Variants in IL1RAPL1 observed in about 807,000 individuals in gnomAD.
IL1RAPL1 encodes interleukin 1 receptor accessory protein like 1, also known as interleukin-1 receptor accessory protein-like 1.
In IL1RAPL1, 3 loss-of-function variants were observed where a neutral mutation model predicts 48.4. That is an observed-to-expected ratio of 0.06 (90% CI 0.03 to 0.16). The LOEUF is 0.16. Ranked by LOEUF, IL1RAPL1 falls within the 10% of genes least tolerant of loss-of-function variation. IL1RAPL1 has a pLI of 1.00. For missense variants in IL1RAPL1, 349 were observed against 530.6 expected (o/e 0.66, Z 3.36); for synonymous variants, 185 against 187.7 (o/e 0.99, Z 0.12).
intron 2 of IL1RAPL1, among the ~76,000 whole-genome samples, chrX:29,014,468 G>A (rs180830010): frequency 1.3e-4 from 14 of 111,368 alleles, no homozygotes; most frequent in Non-Finnish European, 1.3e-4. Context: ...CATCCATGCT[G>A]CATCCTATTG....
rs1433644976 is a variant in IL1RAPL1, at chrX:29,493,046, C to G, written c.703+93738C>G. Among the ~76,000 whole-genome samples the G allele has an allele frequency of 2.7e-5, 3 of 111,948 alleles. No homozygotes were observed. The Admixed American group carries it at 2.9e-4, about 11-fold the overall frequency. On this transcript the variant is annotated intron_variant, in intron 5 of 10. Coordinates refer to ENST00000378993, the MANE Select transcript of IL1RAPL1 (RefSeq NM_014271.4). The stretch of plus-strand genomic sequence containing the variant: ...CAGTGAAAATTGATAATAGAGCTGC[C>G]TTTTCTTTTTGCACTGGCATTATTG...
intron 6 of IL1RAPL1, among the ~76,000 whole-genome samples, chrX:29,763,859 T>A (rs1419709791): frequency 2.7e-5 from 3 of 110,347 alleles, no homozygotes; most frequent in Non-Finnish European, 5.7e-5. Context: ...TTTACACAAA[T>A]GTTAGAATAA....
chrX:28,803,616 G>A (rs1049683759), intron 2 of IL1RAPL1, among the ~76,000 whole-genome samples: 2 of 111,860 alleles, frequency 1.8e-5, no homozygotes, highest in Non-Finnish European at 3.8e-5. Context: ...GAAAATATTA[G>A]CATGCTACCA....
At chrX:29,001,808 T>C (rs1316068891) in intron 2 of IL1RAPL1, among the ~76,000 whole-genome samples, 1 of 111,425 alleles carries the variant, frequency 9.0e-6, no homozygotes, top group African/African-American at 3.3e-5. Flanking sequence ...TTAGAAACGT[T>C]ATTCTTCATA....
chrX:29,150,070 G>A (rs1236609178), intron 2 of IL1RAPL1, among the ~76,000 whole-genome samples: 1 of 112,077 alleles, frequency 8.9e-6, no homozygotes, highest in Non-Finnish European at 1.9e-5. Context: ...ATTTAGAAAG[G>A]TTGAGAGAAT....
intron 2 of IL1RAPL1, among the ~76,000 whole-genome samples, chrX:28,823,612 A>G (rs1033998981): frequency 1.8e-5 from 2 of 111,832 alleles, no homozygotes; most frequent in African/African-American, 6.5e-5. Context: ...AAAATGGGGT[A>G]TATGGGTTAA....
At chrX:29,739,567 A>G (rs758314468) in intron 6 of IL1RAPL1, among the ~76,000 whole-genome samples, 58 of 111,856 alleles carry the variant, frequency 5.2e-4, no homozygotes, top group Non-Finnish European at 5.4e-4. Context: ...ATAAAAATAT[A>G]AAGTGTATTT....
intron 1 of IL1RAPL1, among the ~76,000 whole-genome samples, chrX:28,617,127 G>A (rs1325699680): frequency 8.9e-6 from 1 of 112,132 alleles, no homozygotes; most frequent in African/African-American, 3.2e-5. Flanking sequence ...TGGAGGAGGA[G>A]GCAGTGGAAA....
intron 6 of IL1RAPL1, among the ~76,000 whole-genome samples, chrX:29,803,736 T>G (rs1183585961): frequency 9.2e-6 from 1 of 108,831 alleles, no homozygotes; most frequent in African/African-American, 3.3e-5. Flanking sequence ...TACAAGTGTA[T>G]TCTGCATCAC....
chrX:29,928,929 A>G (rs747956052), intron 8 of IL1RAPL1, among the ~76,000 whole-genome samples: 1 of 111,593 alleles, frequency 9.0e-6, no homozygotes, highest in East Asian at 2.8e-4. Flanking sequence ...GTAAATTACC[A>G]TGGTAACTTG....
chrX:28,836,259 A>G (rs1462832837), intron 2 of IL1RAPL1, among the ~76,000 whole-genome samples: 1 of 107,113 alleles, frequency 9.3e-6, no homozygotes, highest in Non-Finnish European at 1.9e-5. Flanking sequence ...ATTAAGAGTA[A>G]CTATAGTCAT....
intron 3 of IL1RAPL1, among the ~76,000 whole-genome samples, chrX:29,283,847 A>G (rs1258614940): frequency 8.9e-6 from 1 of 112,563 alleles, no homozygotes; most frequent in Non-Finnish European, 1.9e-5. Context: ...CATCTTTGTC[A>G]GCTTCTGGAA....
At chrX:29,010,394 C>G (rs909523456) in intron 2 of IL1RAPL1, among the ~76,000 whole-genome samples, 6 of 111,347 alleles carry the variant, frequency 5.4e-5, no homozygotes, top group African/African-American at 2.0e-4. Flanking sequence ...TCATAGATGT[C>G]TCATTATTTT....
chrX:28,988,184 T>C (rs1438154111), intron 2 of IL1RAPL1, among the ~76,000 whole-genome samples: 1 of 111,553 alleles, frequency 9.0e-6, no homozygotes. Context: ...GATAGTAAGA[T>C]AAATCAGCTC....
intron 2 of IL1RAPL1, among the ~76,000 whole-genome samples, chrX:29,011,173 G>A (rs1926113788): frequency 2.7e-5 from 3 of 111,401 alleles, no homozygotes; most frequent in Admixed American, 9.6e-5. Flanking sequence ...CTCTTTGTGC[G>A]GATATAAAAT....
intron 2 of IL1RAPL1, among the ~76,000 whole-genome samples, chrX:29,036,107 A>G (rs757878030): frequency 8.9e-6 from 1 of 112,040 alleles, no homozygotes; most frequent in Admixed American, 9.5e-5. Flanking sequence ...AGAAGCTATC[A>G]ACACTTCTTC....
intron 5 of IL1RAPL1, among the ~76,000 whole-genome samples, chrX:29,628,128 A>C (rs1251960329): frequency 7.1e-5 from 8 of 112,194 alleles, no homozygotes; most frequent in Non-Finnish European, 1.5e-4. Flanking sequence ...TTTCAGCCAG[A>C]ATGCTTCAGT....
chrX:29,515,362 C>T (rs1935435097), intron 5 of IL1RAPL1, among the ~76,000 whole-genome samples: 1 of 111,996 alleles, frequency 8.9e-6, no homozygotes, highest in South Asian at 3.7e-4. Flanking sequence ...ATTTTCATCA[C>T]CACAAGGATT....
intron 2 of IL1RAPL1, among the ~76,000 whole-genome samples, chrX:29,187,759 C>T (rs1381795057): frequency 2.7e-5 from 3 of 111,550 alleles, no homozygotes; most frequent in Non-Finnish European, 3.8e-5. Flanking sequence ...CAATCTATCC[C>T]GTTTTCACCC....
Sources: allele counts gnomAD v4.1 joint callset (sites outside exome capture counted in the v4.1 genomes callset), GRCh38; gene constraint gnomAD v4.1.1; transcripts MANE v1.5; gene names NCBI Gene and HGNC (gene_info 2026-07-23, HGNC 2026-07-21).